The following MTUS2 variants were observed in gnomAD, a reference collection of about 807,000 sequenced individuals.
The protein encoded by MTUS2 is microtubule-associated tumor suppressor candidate 2.
MTUS2 carries 40 observed loss-of-function variants against 114.1 expected under a neutral mutation model. The ratio of observed to expected loss-of-function variants is 0.35; its 90% CI spans 0.27 to 0.46. The LOEUF is 0.46. Ranked by LOEUF, MTUS2 falls within the 20% of genes least tolerant of loss-of-function variation. The pLI, the probability that MTUS2 is intolerant of heterozygous loss-of-function variation, is 1.00. For missense variants in MTUS2, 1,679 were observed against 1,705.4 expected, an observed-to-expected ratio of 0.98 and a Z score of 0.27; for synonymous variants, 688 against 672.0, an observed-to-expected ratio of 1.02 and a Z score of -0.37.
intron 5 of MTUS2, among the ~76,000 whole-genome samples, chr13:29,220,933 G>C (rs1895882099): frequency 1.3e-5 from 2 of 152,160 alleles, no homozygotes; most frequent in Non-Finnish European, 2.9e-5. Flanking sequence ...TAGTGTTCTG[G>C]TGAAGTATAT....
chr13:29,123,066 C>G (rs553466694), intron 5 of MTUS2, among the ~76,000 whole-genome samples: 1 of 152,194 alleles, frequency 6.6e-6, no homozygotes, highest in East Asian at 1.9e-4. Context: ...AGCATGTTTC[C>G]TTTTCTTTAT....
At chr13:29,114,846 T>A (rs1891023591) in intron 5 of MTUS2, among the ~76,000 whole-genome samples, 1 of 152,214 alleles carries the variant, frequency 6.6e-6, no homozygotes, top group African/African-American at 2.4e-5. Context: ...TATTTTCAAT[T>A]AAGGGCAATG....
At chr13:29,300,374 C>T (rs181336846) in intron 6 of MTUS2, among the ~76,000 whole-genome samples, 2 of 152,264 alleles carry the variant, frequency 1.3e-5, no homozygotes, top group Admixed American at 1.3e-4. Flanking sequence ...ATTTTGCCCA[C>T]CCTGCTTGTC....
intron 1 of MTUS2, among the ~76,000 whole-genome samples, chr13:28,831,563 CTGT>C (rs1874680734): frequency 1.3e-5 from 2 of 152,088 alleles, no homozygotes; most frequent in South Asian, 4.2e-4. Context: ...AGGTCATTAC[CTGT>C]TGTTAAAGGG....
At chr13:28,865,288 G>A (rs1456566188) in intron 2 of MTUS2, among the ~76,000 whole-genome samples, 1 of 152,196 alleles carries the variant, frequency 6.6e-6, no homozygotes, top group East Asian at 1.9e-4. Flanking sequence ...TGGTACAGAG[G>A]TCCATGATTT....
intron 9 of MTUS2, among the ~76,000 whole-genome samples, chr13:29,459,595 G>A (rs757066171): frequency 6.6e-6 from 1 of 152,086 alleles, no homozygotes; most frequent in Non-Finnish European, 1.5e-5. Context: ...CTAGAAACAT[G>A]TTTTCCTCCA....
At chr13:29,069,384 T>C (rs167832) in intron 4 of MTUS2, among the ~76,000 whole-genome samples, 146,433 of 152,242 alleles carry the variant, frequency 0.96, 70,608 homozygotes, top group Non-Finnish European at 1. Flanking sequence ...TCCGTCAGGT[T>C]GGGCAGAGTG....
intron 5 of MTUS2, among the ~76,000 whole-genome samples, chr13:29,187,445 G>T (rs1291715348): frequency 3.3e-5 from 5 of 151,976 alleles, no homozygotes; most frequent in African/African-American, 1.2e-4. Flanking sequence ...ATATAAGAAG[G>T]GTTATAAAGG....
intron 2 of MTUS2, among the ~76,000 whole-genome samples, chr13:28,841,506 A>G (rs1183711290): frequency 1.3e-5 from 2 of 152,172 alleles, no homozygotes; most frequent in Non-Finnish European, 2.9e-5. Context: ...CTGAAGACAC[A>G]TGAGAAGGAA....
intron 6 of MTUS2, among the ~76,000 whole-genome samples, chr13:29,287,508 G>GTGTGTGTGTGGT (rs1555261672): frequency 1.3e-5 from 1 of 76,622 alleles, no homozygotes; most frequent in East Asian, 8.5e-4. Flanking sequence ...GTATGTGTGT[G>GTGTGTGTGTGGT]GTGTGTGTGT....
chr13:28,837,610 A>G (rs2033252267), intron 1 of MTUS2, among the ~76,000 whole-genome samples: 2 of 152,122 alleles, frequency 1.3e-5, no homozygotes, highest in South Asian at 4.2e-4. Flanking sequence ...TTTTGTTCAC[A>G]CTCTTATTTA....
At chr13:29,011,417 TAAA>T (rs1885840044) in intron 2 of MTUS2, among the ~76,000 whole-genome samples, 1 of 152,188 alleles carries the variant, frequency 6.6e-6, no homozygotes, top group Admixed American at 6.5e-5. Flanking sequence ...GCTACTCTTT[TAAA>T]AAATACTCTT....
intron 2 of MTUS2, among the ~76,000 whole-genome samples, chr13:28,997,647 G>C (rs1019348458): frequency 1.3e-5 from 2 of 151,986 alleles, no homozygotes; most frequent in African/African-American, 4.8e-5. Flanking sequence ...TTATGTAATG[G>C]CCTTCTTTGT....
rs575541634 is a variant in MTUS2 at position 29,059,855 on chromosome 13, G to A, written c.2446+25730G>A. Among the ~76,000 whole-genome samples the A allele has an allele frequency of 2.5e-4, 38 of 152,336 alleles. No homozygotes were observed. In the South Asian group the frequency reaches 7.0e-3, roughly 28 times the overall value. On this transcript the variant is annotated intron_variant, in intron 4 of 15. Transcript: ENST00000612955. ...TATGTTGCCCATCTAGCTACCACTGGCAAGGGTGGGGTTGTTTACTTTGCC... is the reference window on the plus strand; with the variant it reads ...TATGTTGCCCATCTAGCTACCACTGACAAGGGTGGGGTTGTTTACTTTGCC...
chr13:29,311,905 G>T (rs1025496701), intron 6 of MTUS2, among the ~76,000 whole-genome samples: 1 of 152,134 alleles, frequency 6.6e-6, no homozygotes, highest in African/African-American at 2.4e-5. Flanking sequence ...ATTTGCCTTG[G>T]TCTAGTGAAG....
intron 2 of MTUS2, among the ~76,000 whole-genome samples, chr13:29,001,522 G>A (rs540672897): frequency 7.2e-5 from 11 of 152,298 alleles, no homozygotes; most frequent in East Asian, 1.9e-4. Context: ...CAACTGAAAC[G>A]CAGGCAGATA....
chr13:29,484,243 C>T (rs982930346), intron 10 of MTUS2: 2 of 152,274 alleles, frequency 1.3e-5, no homozygotes, highest in African/African-American at 4.8e-5. Flanking sequence ...GGAAGAGCAT[C>T]CCAGGATTAA....
chr13:28,878,833 C>T (rs1003484681), intron 2 of MTUS2, among the ~76,000 whole-genome samples: 1 of 152,114 alleles, frequency 6.6e-6, no homozygotes, highest in Non-Finnish European at 1.5e-5. Context: ...TGCTGTTCCT[C>T]TGAGTATATA....
At position 29,022,068 on chromosome 13, in the gene MTUS2, ACT is replaced by A. The variant is rs534635038; in HGVS notation, c.-242-2386_-242-2385del. On this transcript the variant is annotated intron_variant, in intron 2 of 15. Transcript: ENST00000612955. Reference sequence around the variant, plus strand: ...ATGCAAGCGCACATGCACATGTATGACTCTGTATTTTCCCATGATCATGCAAA... The same window carrying A: ...ATGCAAGCGCACATGCACATGTATGACTGTATTTTCCCATGATCATGCAAA... Among the ~76,000 whole-genome samples, 362 of 152,232 alleles carry A rather than the reference ACT, an allele frequency of 2.4e-3. 1 individual carries two copies. The highest frequency in any genetic ancestry group is 8.3e-3 in the African/African-American group (345 of 41,524).
Sources: allele counts gnomAD v4.1 joint callset (sites outside exome capture counted in the v4.1 genomes callset), GRCh38; gene constraint gnomAD v4.1.1; transcripts MANE v1.5; gene names NCBI Gene and HGNC (gene_info 2026-07-23, HGNC 2026-07-21).